Variants in MAGI1 observed in about 807,000 individuals in gnomAD.
MAGI1 encodes membrane-associated guanylate kinase, WW and PDZ domain-containing protein 1.
A neutral mutation model predicts 139.9 loss-of-function variants in MAGI1; 58 were observed. The observed-to-expected ratio is 0.41, with a 90% CI of 0.34 to 0.52. The LOEUF is 0.52. Ranked by LOEUF, MAGI1 falls within the 20% of genes least tolerant of loss-of-function variation. MAGI1 has a pLI of 0.12. For synonymous variants in MAGI1, 812 were observed against 737.9 expected (o/e 1.10, Z -1.63); for missense variants, 1,874 against 1,901.6 (o/e 0.99, Z 0.27).
At chr3:65,472,883 AT>A (rs1220064490) in intron 4 of MAGI1, among the ~76,000 whole-genome samples, 1 of 152,242 alleles carries the variant, frequency 6.6e-6, no homozygotes, top group Non-Finnish European at 1.5e-5. Flanking sequence ...TCTTTAAAAA[AT>A]AATGCAGTAT....
chr3:65,813,019 A>G (rs1284950615), intron 1 of MAGI1, among the ~76,000 whole-genome samples: 1 of 134,114 alleles, frequency 7.5e-6, no homozygotes, highest in Non-Finnish European at 1.6e-5. Context: ...CCTAGTTCAC[A>G]TTTTCTAAAA....
At chr3:65,382,110 A>G in intron 15 of MAGI1, 41 bp from the exon 16 acceptor site, 2 of 1,482,592 alleles carry the variant, frequency 1.3e-6, no homozygotes, top group East Asian at 2.3e-5. Context: ...TTGCTCTCCT[A>G]TGTTTACTGT....
chr3:65,390,411 A>T (rs1301291175), intron 14 of MAGI1, among the ~76,000 whole-genome samples: 2 of 152,132 alleles, frequency 1.3e-5, no homozygotes, highest in Non-Finnish European at 2.9e-5. Context: ...AACAACAATC[A>T]ATTTGCATCG....
At chr3:65,477,187 T>G (rs1381742138) in intron 4 of MAGI1, among the ~76,000 whole-genome samples, 1 of 152,220 alleles carries the variant, frequency 6.6e-6, no homozygotes, top group Non-Finnish European at 1.5e-5. Context: ...GCTATGACAA[T>G]AAACTCATCC....
intron 1 of MAGI1, among the ~76,000 whole-genome samples, chr3:65,782,133 C>A (rs2038983676): frequency 1.3e-5 from 2 of 152,068 alleles, no homozygotes; most frequent in South Asian, 4.2e-4. Flanking sequence ...GAATAATCAC[C>A]CCAAAGATAT....
intron 6 of MAGI1, among the ~76,000 whole-genome samples, chr3:65,450,915 G>C (rs1399462290): frequency 2.6e-5 from 4 of 152,036 alleles, no homozygotes; most frequent in Non-Finnish European, 5.9e-5. Flanking sequence ...AGGCAGCTTT[G>C]CGTTAACTGG....
intron 1 of MAGI1, among the ~76,000 whole-genome samples, chr3:65,754,597 G>C (rs928761449): frequency 2.0e-5 from 3 of 151,942 alleles, no homozygotes; most frequent in Admixed American, 2.0e-4. Flanking sequence ...ATGTCTTAAG[G>C]AAAATAGTTT....
At position 65,375,886 on chromosome 3, in the gene MAGI1, C is replaced by G. The variant is rs1248534265; in HGVS notation, c.3055G>C (p.Asp1019His). The change falls in exon 18 of 23, where the codon GAC becomes CAC. Residue 1019 changes from aspartate to histidine, a missense_variant. Physicochemically the swap from Asp to His is moderately conservative, Grantham distance 81. Transcript: ENST00000402939. ...CCTACTTTCAGCTTGCCACAGCGGT[C>G]AGCAGGGCTCCCCTCAATAATCCGA... ...IGRIIEGSPA[D>H]RCGKLKVGDR... The G allele has an allele frequency of 1.2e-6, 2 of 1,614,022 alleles. No homozygotes were observed. The highest frequency in any genetic ancestry group is 1.7e-6 in the Non-Finnish European group (2 of 1,180,028).
At chr3:65,828,363 C>T (rs1559921083) in intron 1 of MAGI1, among the ~76,000 whole-genome samples, 1 of 152,180 alleles carries the variant, frequency 6.6e-6, no homozygotes. Context: ...TAAGATTTCT[C>T]ACCCCCCAAA....
intron 1 of MAGI1, among the ~76,000 whole-genome samples, chr3:65,730,890 C>A (rs1415974804): frequency 6.7e-6 from 1 of 149,798 alleles, no homozygotes; most frequent in Non-Finnish European, 1.5e-5. Flanking sequence ...TCTAACTCTC[C>A]CCACCCCCCC....
chr3:65,592,779 A>T (rs2082026605), intron 2 of MAGI1, among the ~76,000 whole-genome samples: 1 of 152,160 alleles, frequency 6.6e-6, no homozygotes, highest in Non-Finnish European at 1.5e-5. Context: ...CTTTTCTGCA[A>T]GCAACGAACC....
intron 2 of MAGI1, among the ~76,000 whole-genome samples, chr3:65,609,556 G>C (rs1364700722): frequency 2.0e-5 from 3 of 151,930 alleles, no homozygotes; most frequent in African/African-American, 7.3e-5. Context: ...TAGGATTACA[G>C]GTACGAGCCA....
At chr3:65,777,759 G>C (rs2038584573) in intron 1 of MAGI1, among the ~76,000 whole-genome samples, 1 of 152,076 alleles carries the variant, frequency 6.6e-6, no homozygotes, top group Non-Finnish European at 1.5e-5. Context: ...CCACCTATTT[G>C]ACTGCAGTGC....
chr3:65,621,011 G>T (rs2083638357), intron 2 of MAGI1, among the ~76,000 whole-genome samples: 1 of 86,418 alleles, frequency 1.2e-5, no homozygotes, highest in South Asian at 3.4e-4. Flanking sequence ...CATATCATTT[G>T]CAAGTTTTTT....
chr3:65,880,633 G>A (rs967310789), intron 1 of MAGI1, among the ~76,000 whole-genome samples: 29 of 152,036 alleles, frequency 1.9e-4, no homozygotes, highest in African/African-American at 7.0e-4. Flanking sequence ...AGCATTCCAC[G>A]CTTCAAACTT....
At chr3:65,516,297 A>C (rs2107779783) in intron 2 of MAGI1, among the ~76,000 whole-genome samples, 1 of 152,138 alleles carries the variant, frequency 6.6e-6, no homozygotes, top group South Asian at 2.1e-4. Flanking sequence ...CCCCTGCCTC[A>C]GCCTCCCAAG....
chr3:65,506,626 C>T (rs1333783347), intron 2 of MAGI1, among the ~76,000 whole-genome samples: 1 of 152,128 alleles, frequency 6.6e-6, no homozygotes, highest in Non-Finnish European at 1.5e-5. Context: ...TATAAATACC[C>T]TCATTCTAGT....
intron 1 of MAGI1, among the ~76,000 whole-genome samples, chr3:65,720,693 T>C (rs889964573): frequency 1.2e-4 from 19 of 152,166 alleles, no homozygotes; most frequent in Non-Finnish European, 2.8e-4. Flanking sequence ...GATAGATCTC[T>C]CAGGCCTTCG....
chr3:65,877,221 C>A (rs1052155080), intron 1 of MAGI1, among the ~76,000 whole-genome samples: 1 of 152,058 alleles, frequency 6.6e-6, no homozygotes, highest in African/African-American at 2.4e-5. Context: ...GTTGGAGATG[C>A]CTTTATACAA....
Sources: allele counts gnomAD v4.1 joint callset (sites outside exome capture counted in the v4.1 genomes callset), GRCh38; gene constraint gnomAD v4.1.1; transcripts MANE v1.5; gene names NCBI Gene and HGNC (gene_info 2026-07-23, HGNC 2026-07-21).